NME5: variants seen among roughly 807,000 people sequenced by gnomAD.
NME5 encodes the protein NME/NM23 family member 5.
In NME5, 18 loss-of-function variants were observed where a neutral mutation model predicts 21.6. The observed-to-expected ratio is 0.83, with a 90% confidence interval of 0.58 to 1.24. The LOEUF (loss-of-function observed/expected upper bound fraction) is 1.24, where lower values mean the gene tolerates loss of function less well. NME5 is among the 50% of genes most tolerant of loss of function. NME5 has a pLI of 0.00. For synonymous variants in NME5, 70 were observed against 80.6 expected (o/e 0.87, Z 0.71); for missense variants, 223 against 255.4 (o/e 0.87, Z 0.86).
At chr5:138,128,674 C>T (rs575738635) in intron 3 of NME5, 95 bp from the exon 4 acceptor site, 10 of 739,764 alleles carry the variant, frequency 1.4e-5, no homozygotes, top group African/African-American at 1.3e-4. Flanking sequence ...AAAAGCATTG[C>T]CACTTCTTAC....
intron 2 of NME5, among the ~76,000 whole-genome samples, chr5:138,133,781 A>T (rs1751626886): frequency 6.6e-6 from 1 of 152,238 alleles, no homozygotes; most frequent in Non-Finnish European, 1.5e-5. Context: ...TAGCTTGAAT[A>T]GTCAAATTCC....
chr5:138,128,602 G>A (rs774019270), intron 3 of NME5, 23 bp from the exon 4 acceptor site: 9 of 1,539,648 alleles, frequency 5.8e-6, no homozygotes, highest in Admixed American at 1.8e-5. Flanking sequence ...TAGAGATGAC[G>A]TCCATCCAAT....
intron 5 of NME5, chr5:138,116,277 C>T (rs1312995011): frequency 3.3e-5 from 5 of 152,170 alleles, no homozygotes; most frequent in Non-Finnish European, 7.3e-5. Context: ...TTCATGGATA[C>T]GGAGATTTGA....
At position 138,115,672 on chromosome 5, in the gene NME5, ATT is replaced by A. The variant is rs751704859; in HGVS notation, c.*7_*8del. On this transcript the variant is annotated 3_prime_UTR_variant, in exon 6 of 6. Transcript: ENST00000265191. ...TAGTTCATGATTTGTTCTTTCGAGG[ATT>A]TTTTTTTTAATAAGGTTCTTCTACA... 8 of 1,423,410 alleles carry A rather than the reference ATT, an allele frequency of 5.6e-6. No homozygotes were observed. The highest frequency in any genetic ancestry group is 1.4e-5 in the South Asian group (1 of 72,852). The allele number at this position is 1,423,410 out of a possible 1,614,324, so 88.2% of individuals were successfully genotyped here.
chr5:138,120,448 CA>C (rs1751262914), intron 4 of NME5, among the ~76,000 whole-genome samples: 1 of 151,930 alleles, frequency 6.6e-6, no homozygotes, highest in South Asian at 2.1e-4. Context: ...CCATGTTAGC[CA>C]GGATGGTCTT....
chr5:138,134,869 C>T (rs941045574), intron 2 of NME5, among the ~76,000 whole-genome samples: 1 of 150,838 alleles, frequency 6.6e-6, no homozygotes. Context: ...GTGCCCGCCA[C>T]TGCGCCCGGC....
intron 3 of NME5, 66 bp downstream of exon 3, chr5:138,129,197 G>A: frequency 4.0e-6 from 5 of 1,239,758 alleles, no homozygotes; most frequent in South Asian, 1.4e-5. Flanking sequence ...AATGAAATCA[G>A]ATTTTTTTTT....
chr5:138,137,021 T>C (rs1751714806), intron 2 of NME5, among the ~76,000 whole-genome samples: 1 of 151,782 alleles, frequency 6.6e-6, no homozygotes, highest in African/African-American at 2.4e-5. Flanking sequence ...AAGGCTGTCC[T>C]ACTCCAACAA....
intron 1 of NME5, 88 bp downstream of exon 1, chr5:138,139,283 G>T: frequency 1.2e-6 from 1 of 803,976 alleles, no homozygotes; most frequent in Non-Finnish European, 1.5e-6. Flanking sequence ...ATAGGGTCAG[G>T]CTAATTGAAA....
At chr5:138,136,833 G>A (rs566449206) in intron 2 of NME5, among the ~76,000 whole-genome samples, 2 of 151,728 alleles carry the variant, frequency 1.3e-5, no homozygotes, top group Non-Finnish European at 2.9e-5. Flanking sequence ...AGTAGAGATG[G>A]GGTTTCTCCA....
At chr5:138,123,008 A>C (rs1485733495) in intron 4 of NME5, 2 of 152,032 alleles carry the variant, frequency 1.3e-5, no homozygotes, top group African/African-American at 4.8e-5. Flanking sequence ...TTATAAGTGT[A>C]CTTAAAATTT....
intron 5 of NME5, among the ~76,000 whole-genome samples, chr5:138,118,489 A>C (rs1424105409): frequency 6.6e-6 from 1 of 150,480 alleles, no homozygotes; most frequent in Non-Finnish European, 1.5e-5. Flanking sequence ...TTATAGAAAA[A>C]AAAATTTTTT....
In NME5 at chr5:138,128,523, T is replaced by G. The variant is rs1184844160; in HGVS notation, c.392A>C (p.Asp131Ala). Residue 131 changes from aspartate (D) to alanine (A), a missense_variant, in exon 4 of 6, where the codon GAC becomes GCC. By Grantham distance (126) the Asp-to-Ala change is moderately radical. Coordinates refer to ENST00000265191, the MANE Select transcript of NME5 (RefSeq NM_003551.3). ...TATTTCTCTTTCCGCAGCAGCAAAG[T>G]CATTACTCCCATGAAGTGCATTCCT... ...DLRNALHGSNDFAAAEREIRF... is the reference protein window; with the variant it reads ...DLRNALHGSNAFAAAEREIRF... The G allele has an allele frequency of 1.2e-6, 2 of 1,613,174 alleles. No individual in the cohort carries two copies. The highest frequency in any genetic ancestry group is 2.2e-5 in the East Asian group (1 of 44,812).
At chr5:138,122,656 A>G (rs933115854) in intron 4 of NME5, among the ~76,000 whole-genome samples, 2 of 138,032 alleles carry the variant, frequency 1.4e-5, no homozygotes, top group African/African-American at 5.4e-5. Context: ...ATCAGGTACT[A>G]ATCATTAAAC....
chr5:138,123,203 G>T (rs1581378541), intron 4 of NME5: 2 of 152,234 alleles, frequency 1.3e-5, no homozygotes, highest in East Asian at 3.9e-4. Context: ...GACAAATCAA[G>T]CTAATTAATA....
rs1276397946 is a variant in NME5, at chr5:138,138,731, G to A, written c.50C>T (p.Ala17Val). ...GTCAACAATATCTGGTTTGATAATG[G>A]CCAGAGTTTTTTCTACATATATCTG... ...PPQIYVEKTL[A>V]IIKPDIVDKE... The change falls in exon 2 of 6, where the codon GCC (alanine) becomes GTC (valine). Residue 17 changes from alanine (A) to valine (V), a missense_variant. Ala to Val is a moderately conservative substitution (Grantham distance 64). Transcript: ENST00000265191. 6 of 1,612,052 alleles carry A rather than the reference G, an allele frequency of 3.7e-6. No homozygotes were observed. In the Admixed American group the frequency reaches 8.4e-5, roughly 23 times the overall value.
At chr5:138,139,319 CT>C in intron 1 of NME5, 51 bp downstream of exon 1, 1 of 980,742 alleles carries the variant, frequency 1.0e-6, no homozygotes, top group Non-Finnish European at 1.2e-6. Flanking sequence ...TCCGCGGGGA[CT>C]TTCCGGGTTG....
intron 2 of NME5, among the ~76,000 whole-genome samples, chr5:138,135,708 T>C (rs1211064978): frequency 6.6e-6 from 1 of 152,206 alleles, no homozygotes; most frequent in Non-Finnish European, 1.5e-5. Context: ...CTAAAGTTAA[T>C]GGGTAATATA....
intron 3 of NME5, 192 bp from the exon 4 acceptor site, chr5:138,128,771 A>G (rs1038068631): frequency 1.7e-5 from 8 of 472,532 alleles, no homozygotes; most frequent in Non-Finnish European, 2.9e-5. Flanking sequence ...TTACGTCTGC[A>G]GGAGGAATAC....
Sources: allele counts gnomAD v4.1 joint callset (sites outside exome capture counted in the v4.1 genomes callset), GRCh38; gene constraint gnomAD v4.1.1; transcripts MANE v1.5; gene names NCBI Gene and HGNC (gene_info 2026-07-23, HGNC 2026-07-21).